FGF12: variants seen among roughly 807,000 people sequenced by gnomAD.
FGF12 encodes fibroblast growth factor 12B.
FGF12 carries 14 observed loss-of-function variants against 23.6 expected under a neutral mutation model. The ratio of observed to expected loss-of-function variants is 0.59; its 90% CI spans 0.39 to 0.93. FGF12 has a LOEUF of 0.93. Ranked by LOEUF, FGF12 falls within the 40% of genes least tolerant of loss-of-function variation. The pLI, the probability that FGF12 is intolerant of heterozygous loss-of-function variation, is 0.00. For synonymous variants in FGF12, 62 were observed against 77.3 expected (o/e 0.80, Z 1.04); for missense variants, 175 against 217.8 (o/e 0.80, Z 1.24).
At chr3:192,394,230 G>T (rs1720425923) in intron 2 of FGF12, among the ~76,000 whole-genome samples, 1 of 152,090 alleles carries the variant, frequency 6.6e-6, no homozygotes, top group Non-Finnish European at 1.5e-5. Flanking sequence ...TTCTTCCGGG[G>T]CTGAGGTCCA....
At position 192,306,757 on chromosome 3, in the gene FGF12, A is replaced by G. The variant is rs1715672332; in HGVS notation, c.228+28604T>C. On this transcript the variant is annotated intron_variant, in intron 4 of 5. Transcript: ENST00000445105. ...ATAAAATATCACTTGCACAGATTAA[A>G]TAACACCACATTTCAGGAGAGGCAG... is the stretch of plus-strand genomic sequence containing the variant. Among the ~76,000 whole-genome samples the G allele has an allele frequency of 2.6e-5, 4 of 152,008 alleles. No individual in the cohort carries two copies. In the South Asian group the frequency reaches 8.3e-4, roughly 31 times the overall value.
intron 2 of FGF12, among the ~76,000 whole-genome samples, chr3:192,473,267 T>G (rs1419306755): frequency 2.0e-5 from 3 of 152,190 alleles, no homozygotes; most frequent in Non-Finnish European, 2.9e-5. Flanking sequence ...GACCTAACCT[T>G]CAGAATGGCT....
At chr3:192,486,738 T>G (rs1723646327) in intron 2 of FGF12, among the ~76,000 whole-genome samples, 1 of 151,896 alleles carries the variant, frequency 6.6e-6, no homozygotes, top group South Asian at 2.1e-4. Flanking sequence ...TAGACAAACA[T>G]GATATAATTT....
At chr3:192,272,132 C>CT (rs1713480648) in intron 4 of FGF12, among the ~76,000 whole-genome samples, 1 of 152,090 alleles carries the variant, frequency 6.6e-6, no homozygotes, top group Non-Finnish European at 1.5e-5. Context: ...AAATTAATGG[C>CT]CCGAGTTCCT....
At chr3:192,435,130 A>G (rs976054840) in intron 2 of FGF12, among the ~76,000 whole-genome samples, 3 of 152,168 alleles carry the variant, frequency 2.0e-5, no homozygotes, top group African/African-American at 2.4e-5. Flanking sequence ...ATGTTCTATG[A>G]TCTATAAAGC....
intron 4 of FGF12, among the ~76,000 whole-genome samples, chr3:192,332,006 T>C (rs1397904216): frequency 6.6e-6 from 1 of 152,094 alleles, no homozygotes; most frequent in Non-Finnish European, 1.5e-5. Context: ...ATTAAAGGTT[T>C]AGTTTAGAAG....
intron 2 of FGF12, among the ~76,000 whole-genome samples, chr3:192,420,177 A>G (rs1721477311): frequency 6.6e-6 from 1 of 152,140 alleles, no homozygotes. Flanking sequence ...CTTAAAGGTG[A>G]GCACAGAACC....
intron 2 of FGF12, among the ~76,000 whole-genome samples, chr3:192,725,551 G>A (rs753749881): frequency 1.3e-5 from 2 of 152,096 alleles, no homozygotes; most frequent in African/African-American, 4.8e-5. Context: ...TAAGTGACAC[G>A]TAGCATGTTT....
At chr3:192,210,870 A>G (rs1717894054) in intron 4 of FGF12, among the ~76,000 whole-genome samples, 1 of 152,228 alleles carries the variant, frequency 6.6e-6, no homozygotes, top group Non-Finnish European at 1.5e-5. Context: ...ATCAAGGTAG[A>G]TGAGACCAAA....
chr3:192,697,602 A>T (rs1688894031), intron 2 of FGF12, among the ~76,000 whole-genome samples: 1 of 152,168 alleles, frequency 6.6e-6, no homozygotes, highest in African/African-American at 2.4e-5. Flanking sequence ...AGGTGGACTG[A>T]CTAGTCCCAG....
intron 2 of FGF12, among the ~76,000 whole-genome samples, chr3:192,673,681 T>C (rs1717218015): frequency 6.6e-6 from 1 of 151,180 alleles, no homozygotes. Flanking sequence ...TCATTATGGC[T>C]TCCAACTTCA....
chr3:192,714,089 G>GGTA (rs145341417), intron 2 of FGF12, among the ~76,000 whole-genome samples: 2,109 of 152,250 alleles, frequency 0.014, 49 homozygotes, highest in African/African-American at 0.049. Flanking sequence ...TTATATGCCA[G>GGTA]GTAGTGTGGT....
chr3:192,576,209 T>C (rs1712875931), intron 2 of FGF12, among the ~76,000 whole-genome samples: 1 of 152,204 alleles, frequency 6.6e-6, no homozygotes, highest in Admixed American at 6.5e-5. Context: ...GTTAGAAAAG[T>C]ACAGCACAGG....
chr3:192,682,227 C>G (rs975118649), intron 2 of FGF12, among the ~76,000 whole-genome samples: 1 of 152,174 alleles, frequency 6.6e-6, no homozygotes, highest in African/African-American at 2.4e-5. Context: ...GCAAGGTAAA[C>G]AGCAGACACC....
At chr3:192,317,402 G>A (rs1006187128) in intron 4 of FGF12, among the ~76,000 whole-genome samples, 19 of 151,924 alleles carry the variant, frequency 1.3e-4, no homozygotes, top group Non-Finnish European at 4.4e-5. Context: ...CAAGCTGACT[G>A]AGGAGCCCTT....
chr3:192,163,172 T>A (rs972678148), intron 5 of FGF12, among the ~76,000 whole-genome samples: 3 of 152,174 alleles, frequency 2.0e-5, no homozygotes, highest in East Asian at 3.8e-4. Context: ...GTTTCTTGAC[T>A]TCTCCAATAC....
chr3:192,253,253 G>C (rs758508827), intron 4 of FGF12, among the ~76,000 whole-genome samples: 9 of 152,084 alleles, frequency 5.9e-5, no homozygotes, highest in Non-Finnish European at 1.2e-4. Context: ...TCTTAGAGCA[G>C]AGAGACCATT....
intron 2 of FGF12, among the ~76,000 whole-genome samples, chr3:192,552,740 A>T (rs1711580756): frequency 6.6e-6 from 1 of 152,050 alleles, no homozygotes; most frequent in Non-Finnish European, 1.5e-5. Context: ...AAAATACAAA[A>T]ATTAAGCAGA....
rs547681544 is a variant in FGF12 at position 192,409,474 on chromosome 3, C to T, written c.14-48936G>A. On this transcript the variant is annotated intron_variant, in intron 2 of 5. Coordinates refer to ENST00000445105, the MANE Select transcript of FGF12 (RefSeq NM_004113.6). The surrounding 1 kb of genome is among the most constrained non-coding windows in gnomAD (Gnocchi z 4.8). ...GGTCATCGCCGCGCTGCTGCCCGTG[C>T]CCCCTAGGCTCGCGCGCCCCGGCAG... Among the ~76,000 whole-genome samples the T allele has an allele frequency of 2.1e-4, 32 of 152,294 alleles. No individual in the cohort carries two copies. Among genetic ancestry groups the T allele is most frequent in the Admixed American group, 5.2e-4 (8 of 15,306 alleles).
Sources: gnomAD v4.1 joint callset for allele counts (sites outside exome capture counted in the v4.1 genomes callset) on GRCh38, gnomAD v4.1.1 for gene constraint, Gnocchi (gnomAD v3.1) non-coding constraint, MANE v1.5 for transcripts, NCBI Gene and HGNC (gene_info 2026-07-23, HGNC 2026-07-21) for gene names.